NUDT7: variants seen among roughly 807,000 people sequenced by gnomAD.
The protein encoded by NUDT7 is peroxisomal coenzyme A diphosphatase NUDT7.
NUDT7 carries 19 observed loss-of-function variants against 13.1 expected under a neutral mutation model. The observed-to-expected ratio is 1.45, with a 90% CI of 1.01 to 2.13. NUDT7 has a LOEUF of 2.13. NUDT7 is among the 30% of genes most tolerant of loss of function. The probability of loss-of-function intolerance (pLI) is 0.00; values close to 1 mark genes in which losing one functional copy is unlikely to be tolerated. For missense variants in NUDT7, 360 were observed against 291.7 expected (o/e 1.23, Z -1.71); for synonymous variants, 132 against 109.7 (o/e 1.20, Z -1.27).
rs750904933 is a variant in NUDT7 at position 77,735,944 on chromosome 16, C to T, written c.306C>T (p.His102=). Residue 102 remains histidine (H), a synonymous_variant, in exon 3 of 4, where the codon CAC becomes CAT. Coordinates refer to ENST00000268533, the MANE Select transcript of NUDT7 (RefSeq NM_001105663.3). ...EAQEEVGLRP[H]QVEVVCCLVP... The stretch of plus-strand genomic sequence containing the variant: ...AGGAGGAAGTGGGTCTCCGTCCTCA[C>T]CAAGTGGAAGTTGTCTGCTGCCTGG... The T allele has an allele frequency of 6.2e-7, 1 of 1,614,074 alleles. No individual in the cohort carries two copies. Among genetic ancestry groups the T allele is most frequent in the Non-Finnish European group, 8.5e-7 (1 of 1,179,982 alleles).
At chr16:77,724,378 C>T (rs2014060671) in intron 1 of NUDT7, among the ~76,000 whole-genome samples, 1 of 152,154 alleles carries the variant, frequency 6.6e-6, no homozygotes, top group Non-Finnish European at 1.5e-5. Flanking sequence ...CCTCCCACTT[C>T]CGCCTTCCAA....
chr16:77,732,644 A>G (rs8059030), intron 2 of NUDT7, among the ~76,000 whole-genome samples: 14,666 of 152,246 alleles, frequency 0.096, 817 homozygotes, highest in African/African-American at 0.16. Context: ...ACAGGTTGTA[A>G]CCCAGAAGCA....
chr16:77,723,162 C>T (rs1232877639), intron 1 of NUDT7, among the ~76,000 whole-genome samples: 1 of 152,186 alleles, frequency 6.6e-6, no homozygotes, highest in Non-Finnish European at 1.5e-5. Flanking sequence ...CTAAAGTGGA[C>T]AGATAACGTT....
intron 2 of NUDT7, among the ~76,000 whole-genome samples, chr16:77,727,511 C>G (rs7190575): frequency 0.35 from 52,602 of 151,944 alleles, 10,631 homozygotes; most frequent in African/African-American, 0.58. Context: ...AGTGTCTGTT[C>G]CCACCTCTGC....
At chr16:77,726,818 AAG>A (rs2014151713) in intron 2 of NUDT7, among the ~76,000 whole-genome samples, 1 of 152,168 alleles carries the variant, frequency 6.6e-6, no homozygotes, top group Non-Finnish European at 1.5e-5. Context: ...AAGAAAGAAA[AAG>A]AAATATCTGA....
At chr16:77,736,359 A>G (rs1411729263) in intron 3 of NUDT7, 1 of 181,956 alleles carries the variant, frequency 5.5e-6, no homozygotes, top group Non-Finnish European at 1.2e-5. Flanking sequence ...AATGTGCTAG[A>G]TACCAAATTT....
chr16:77,727,167 G>T (rs553483032), intron 2 of NUDT7, among the ~76,000 whole-genome samples: 1 of 152,124 alleles, frequency 6.6e-6, no homozygotes, highest in Non-Finnish European at 1.5e-5. Context: ...TTTGGGCAAG[G>T]ACAAATATCG....
intron 3 of NUDT7, among the ~76,000 whole-genome samples, chr16:77,738,202 T>G (rs1488413594): frequency 6.6e-6 from 1 of 152,210 alleles, no homozygotes; most frequent in Non-Finnish European, 1.5e-5. Context: ...ATTAACTAAT[T>G]TAGCTATACT....
chr16:77,728,304 C>G (rs2014205963), intron 2 of NUDT7, among the ~76,000 whole-genome samples: 1 of 152,200 alleles, frequency 6.6e-6, no homozygotes, highest in African/African-American at 2.4e-5. Flanking sequence ...GTGATCTCAG[C>G]TCACTGCAAC....
intron 2 of NUDT7, among the ~76,000 whole-genome samples, chr16:77,733,376 A>G (rs1186585954): frequency 1.3e-5 from 2 of 152,196 alleles, no homozygotes; most frequent in Admixed American, 1.3e-4. Flanking sequence ...TTACAGGGAA[A>G]GGGGCAAAGA....
chr16:77,734,140 A>C (rs2014403562), intron 2 of NUDT7, among the ~76,000 whole-genome samples: 1 of 151,060 alleles, frequency 6.6e-6, no homozygotes, highest in Non-Finnish European at 1.5e-5. Flanking sequence ...ACACAATGCT[A>C]ATAGCTCCAG....
Position 77,725,547 on chromosome 16 carries a change from G to T in NUDT7, c.152G>T (p.Gly51Val). Reference protein sequence around the residue: ...SVLLPLVAKEGKLHLLFTVRS... With the variant: ...SVLLPLVAKEVKLHLLFTVRS... ...CTTTTGCCATTGGTGGCTAAAGAAGGAAAACTCCATTTGTTGTTCACCGTC... is the reference window on the plus strand; with the variant it reads ...CTTTTGCCATTGGTGGCTAAAGAAGTAAAACTCCATTTGTTGTTCACCGTC... Residue 51 changes from glycine to valine, a missense_variant, in exon 2 of 4, where the codon GGA (glycine) becomes GTA (valine). Transcript: ENST00000268533. 1 of 1,614,066 alleles carries T rather than the reference G, an allele frequency of 6.2e-7. No homozygotes were observed. The highest frequency in any genetic ancestry group is 2.2e-5 in the East Asian group (1 of 44,876).
chr16:77,731,456 CAT>C (rs1477282534), intron 2 of NUDT7, among the ~76,000 whole-genome samples: 6 of 152,162 alleles, frequency 3.9e-5, no homozygotes, highest in Admixed American at 3.9e-4. Flanking sequence ...ACATTACTCA[CAT>C]GTTTGTGGTG....
intron 1 of NUDT7, among the ~76,000 whole-genome samples, chr16:77,725,220 G>C (rs942951601): frequency 6.6e-6 from 1 of 152,154 alleles, no homozygotes; most frequent in Non-Finnish European, 1.5e-5. Context: ...GTACTAAACT[G>C]TGTGCTTAGA....
intron 2 of NUDT7, among the ~76,000 whole-genome samples, chr16:77,727,602 C>T (rs1247045273): frequency 6.6e-6 from 1 of 152,250 alleles, no homozygotes; most frequent in Non-Finnish European, 1.5e-5. Flanking sequence ...CGCCTGTAAT[C>T]CCAGCACTTT....
chr16:77,734,793 A>G (rs180903016), intron 2 of NUDT7, among the ~76,000 whole-genome samples: 14 of 152,314 alleles, frequency 9.2e-5, no homozygotes, highest in Admixed American at 8.5e-4. Flanking sequence ...GCCAGACACA[A>G]AAGTCGAGAC....
rs747342453 is a variant in NUDT7, at chr16:77,741,910, T to C, written c.677T>C (p.Leu226Ser). 9 of 1,610,892 alleles carry C rather than the reference T, an allele frequency of 5.6e-6. No homozygotes were observed. The East Asian group carries it at 6.7e-5, about 12-fold the overall frequency. The change falls in exon 4 of 4, where the codon TTA becomes TCA. Residue 226 changes from leucine (L) to serine (S), a missense_variant. Physicochemically the swap from Leu to Ser is moderately radical, Grantham distance 145. Coordinates refer to ENST00000268533, the MANE Select transcript of NUDT7 (RefSeq NM_001105663.3). ...LNDVLASSEE[L>S]FLKVHKKATS... ...GATGTATTAGCATCCTCTGAAGAGT[T>C]ATTCCTGAAGGTTCATAAAAAAGCT...
intron 1 of NUDT7, among the ~76,000 whole-genome samples, chr16:77,724,955 CTA>C (rs1188961257): frequency 2.6e-5 from 4 of 152,310 alleles, no homozygotes; most frequent in East Asian, 1.9e-4. Context: ...ACCTCGCAGT[CTA>C]TGTGACAGCC....
intron 1 of NUDT7, among the ~76,000 whole-genome samples, chr16:77,724,464 G>T (rs1406839358): frequency 4.6e-5 from 7 of 151,660 alleles, no homozygotes; most frequent in African/African-American, 1.7e-4. Flanking sequence ...GTAGAGACAG[G>T]GTCTTACCAT....
Sources: gnomAD v4.1 joint callset for allele counts (sites outside exome capture counted in the v4.1 genomes callset) on GRCh38, gnomAD v4.1.1 for gene constraint, MANE v1.5 for transcripts, NCBI Gene and HGNC (gene_info 2026-07-23, HGNC 2026-07-21) for gene names.